Variants in PHLPP1 observed in about 807,000 individuals in gnomAD.
PHLPP1 encodes the protein PH domain and leucine rich repeat protein phosphatase 1.
Under a neutral mutation model 117.2 loss-of-function variants are expected in PHLPP1, and 42 were observed. That is an observed-to-expected ratio of 0.36 (90% CI 0.28 to 0.46). PHLPP1 has a LOEUF of 0.46. Among genes scored for constraint, PHLPP1 ranks in the 20% least tolerant of loss-of-function variants. The probability of loss-of-function intolerance (pLI) is 1.00; values close to 1 mark genes in which losing one functional copy is unlikely to be tolerated. For synonymous variants in PHLPP1, 1,042 were observed against 970.7 expected (o/e 1.07, Z -1.37); for missense variants, 2,084 against 2,241.9 (o/e 0.93, Z 1.42).
At position 62,853,829 on chromosome 18, in the gene PHLPP1, CTT is replaced by C. The variant is rs1397664743; in HGVS notation, c.1900-6601_1900-6600del. 2.0e-5 allele frequency among the ~76,000 whole-genome samples: 3 copies of C among 152,250 alleles called. No individual in the cohort carries two copies. In the East Asian group the frequency reaches 5.8e-4, roughly 29 times the overall value. ...CGAGAGCATTGGCTTACATCGTAGT[CTT>C]TTTTGTTTTATAGACTTTTATTGCT... On this transcript the variant is annotated intron_variant, in intron 3 of 16. Coordinates refer to ENST00000262719, the MANE Select transcript of PHLPP1 (RefSeq NM_194449.4).
At chr18:62,884,247 A>C (rs1382107031) in intron 4 of PHLPP1, among the ~76,000 whole-genome samples, 1 of 152,222 alleles carries the variant, frequency 6.6e-6, no homozygotes, top group Non-Finnish European at 1.5e-5. Flanking sequence ...GGAGGGGGCT[A>C]TCTCCTATTT....
intron 1 of PHLPP1, among the ~76,000 whole-genome samples, chr18:62,775,146 G>T (rs576567936): frequency 6.6e-6 from 1 of 152,228 alleles, no homozygotes; most frequent in South Asian, 2.1e-4. Context: ...CATCCAGGCT[G>T]GAGTGCAGTG....
intron 6 of PHLPP1, among the ~76,000 whole-genome samples, chr18:62,898,876 G>A (rs1258174294): frequency 6.6e-6 from 1 of 151,342 alleles, no homozygotes; most frequent in Non-Finnish European, 1.5e-5. Flanking sequence ...TCGGCTCACT[G>A]CAACCTCCGC....
At chr18:62,960,933 C>T (rs1035691306) in intron 13 of PHLPP1, among the ~76,000 whole-genome samples, 2 of 152,078 alleles carry the variant, frequency 1.3e-5, no homozygotes, top group African/African-American at 4.8e-5. Context: ...TTTATGTGAG[C>T]CGATTAAGTG....
At position 62,958,679 on chromosome 18, in the gene PHLPP1, C is replaced by T. The variant is rs1910688469; in HGVS notation, c.3375C>T (p.Asn1125=). The T allele has an allele frequency of 6.2e-7, 1 of 1,613,910 alleles. No homozygotes were observed. Among genetic ancestry groups the T allele is most frequent in the Non-Finnish European group, 8.5e-7 (1 of 1,179,836 alleles). The change falls in exon 13 of 17, where the codon AAC becomes AAT. Residue 1125 remains asparagine, a synonymous_variant. Transcript: ENST00000262719. Reference sequence around the variant, plus strand: ...TAAGTGAAGTCACATTACCAGAAAACCTGCCTCCCAAACTGCAGGAGCTAG... The same window carrying T: ...TAAGTGAAGTCACATTACCAGAAAATCTGCCTCCCAAACTGCAGGAGCTAG... ...NELSEVTLPE[N]LPPKLQELDL... is the part of the protein sequence containing the mutation.
intron 2 of PHLPP1, chr18:62,837,563 G>A (rs2144339038): frequency 6.6e-6 from 1 of 151,706 alleles, no homozygotes; most frequent in African/African-American, 2.4e-5. Context: ...CTTTGTTAAT[G>A]TTTTCTCTTA....
chr18:62,733,339 G>A (rs117611730), intron 1 of PHLPP1, among the ~76,000 whole-genome samples: 1 of 152,202 alleles, frequency 6.6e-6, no homozygotes, highest in Non-Finnish European at 1.5e-5. Flanking sequence ...GTACCTTTTA[G>A]TAGTATTTTT....
chr18:62,941,962 A>T, intron 11 of PHLPP1, 44 bp downstream of exon 11: 1 of 1,456,666 alleles, frequency 6.9e-7, no homozygotes, highest in South Asian at 1.2e-5. Context: ...GCATTTCTCA[A>T]AGTGTATTCA....
intron 1 of PHLPP1, among the ~76,000 whole-genome samples, chr18:62,812,708 C>T (rs948273470): frequency 6.6e-6 from 1 of 151,370 alleles, no homozygotes; most frequent in Non-Finnish European, 1.5e-5. Flanking sequence ...AACTTTTGTG[C>T]CTGTGACCTT....
chr18:62,758,230 G>T (rs1246531222), intron 1 of PHLPP1, among the ~76,000 whole-genome samples: 1 of 152,048 alleles, frequency 6.6e-6, no homozygotes, highest in East Asian at 1.9e-4. Flanking sequence ...CCCCTATAGG[G>T]TACCTTTACC....
chr18:62,963,477 G>A lies in PHLPP1; in HGVS notation c.3560+5G>A. On this transcript the variant is annotated splice_donor_5th_base_variant and intron_variant, in intron 14 of 16. Transcript: ENST00000262719. ...AGCTTCGGGGGTAAAAAACAAGTAA[G>A]TCAGATGAAACTTTAGAGGAAGAAG... 6.3e-7 allele frequency: 1 copy of A among 1,593,376 alleles called. No homozygotes were observed. Among genetic ancestry groups the A allele is most frequent in the Non-Finnish European group, 8.6e-7 (1 of 1,164,398 alleles).
chr18:62,826,315 G>A (rs1043987062), intron 1 of PHLPP1: 3 of 372,494 alleles, frequency 8.1e-6, no homozygotes, highest in African/African-American at 6.4e-5. Context: ...GCTGACCTTG[G>A]GGAATGACTT....
rs1028731551 is a variant in PHLPP1 at position 62,856,308 on chromosome 18, T to C, written c.1900-4127T>C. 2.6e-5 allele frequency among the ~76,000 whole-genome samples: 4 copies of C among 152,272 alleles called. No homozygotes were observed. In the South Asian group the frequency reaches 6.2e-4, roughly 24 times the overall value. On this transcript the variant is annotated intron_variant, in intron 3 of 16. Transcript: ENST00000262719. The stretch of plus-strand genomic sequence containing the variant: ...TAAAAGCCAGAGTCCTTACAAGGCC[T>C]GAGGGTCCCACAGGATCTGCTGCTT...
intron 1 of PHLPP1, among the ~76,000 whole-genome samples, chr18:62,726,294 T>C (rs368801950): frequency 3.3e-5 from 5 of 152,032 alleles, no homozygotes; most frequent in East Asian, 1.9e-4. Flanking sequence ...TGGTAACTCA[T>C]TGTGACTTGT....
At chr18:62,728,708 C>T (rs955236473) in intron 1 of PHLPP1, among the ~76,000 whole-genome samples, 1 of 152,068 alleles carries the variant, frequency 6.6e-6, no homozygotes, top group Middle Eastern at 3.2e-3. Context: ...GGTGTTTCAC[C>T]ATGTTAGCCA....
At chr18:62,950,790 T>C (rs1003998603) in intron 12 of PHLPP1, among the ~76,000 whole-genome samples, 1 of 152,130 alleles carries the variant, frequency 6.6e-6, no homozygotes, top group Non-Finnish European at 1.5e-5. Context: ...CGTTGCGGAA[T>C]CTAATGTCAA....
At chr18:62,788,020 A>G (rs1180766828) in intron 1 of PHLPP1, among the ~76,000 whole-genome samples, 1 of 152,212 alleles carries the variant, frequency 6.6e-6, no homozygotes, top group Admixed American at 6.5e-5. Flanking sequence ...GTATTCATTC[A>G]GTATCCTGTC....
rs79595044 is a variant in PHLPP1, at chr18:62,980,427, A to G, written c.*996A>G. ...TTTTGTTACAATAAATATGAAATTT[A>G]CAAGTATTTACAAGTATCTGCTTTT... On this transcript the variant is annotated 3_prime_UTR_variant, in exon 17 of 17. Transcript: ENST00000262719. 6 of 152,668 alleles carry G rather than the reference A, an allele frequency of 3.9e-5. No individual in the cohort carries two copies. Among genetic ancestry groups the G allele is most frequent in the Non-Finnish European group, 8.8e-5 (6 of 68,038 alleles). 9.5% of individuals were successfully genotyped at this position (152,668 alleles called of 1,614,324 possible).
chr18:62,926,686 C>T (rs999930085), intron 10 of PHLPP1, among the ~76,000 whole-genome samples: 1 of 152,182 alleles, frequency 6.6e-6, no homozygotes, highest in Non-Finnish European at 1.5e-5. Context: ...AGAATATCTC[C>T]GAGTTGAAGT....
Sources: gnomAD v4.1 joint callset for allele counts (sites outside exome capture counted in the v4.1 genomes callset) on GRCh38, gnomAD v4.1.1 for gene constraint, MANE v1.5 for transcripts, NCBI Gene and HGNC (gene_info 2026-07-23, HGNC 2026-07-21) for gene names.